The following EVC2 variants were observed in gnomAD, a reference collection of about 807,000 sequenced individuals.
The protein encoded by EVC2 is EvC ciliary complex subunit 2.
A neutral mutation model predicts 149.3 loss-of-function variants in EVC2; 148 were observed. The observed-to-expected ratio is 0.99, with a 90% CI of 0.87 to 1.14. EVC2 has a LOEUF of 1.14. EVC2 is among the 50% of genes most tolerant of loss of function. The pLI is 0.00. For synonymous variants in EVC2, 776 were observed against 649.9 expected (o/e 1.19, Z -2.95); for missense variants, 1,854 against 1,627.3 (o/e 1.14, Z -2.40).
At position 5,562,658 on chromosome 4, in the gene EVC2, T is replaced by C. The variant is rs1722025832; in HGVS notation, c.*190A>G. On this transcript the variant is annotated 3_prime_UTR_variant, in exon 22 of 22. Transcript: ENST00000344408. The surrounding 1 kb of genome is among the most constrained non-coding windows in gnomAD (Gnocchi z 4.3). ...TATGTCCTTGTGATATGGAAGAGAG[T>C]GGGCCATCTGGAAATTCATGAGACA... The C allele has an allele frequency of 6.9e-7, 1 of 1,456,502 alleles. No individual in the cohort carries two copies. Among genetic ancestry groups the C allele is most frequent in the Non-Finnish European group, 9.0e-7 (1 of 1,110,696 alleles). The allele number at this position is 1,456,502 out of a possible 1,614,324, so 90.2% of individuals were successfully genotyped here.
In EVC2 at chr4:5,625,924, G is replaced by A; in HGVS notation, c.1887-16C>T. Reference sequence around the variant, plus strand: ...GTACCCTGCTCTAGATGGAAAGGATGTAAAGTTAGGAATGTGGTCTCCAAA... The same window carrying A: ...GTACCCTGCTCTAGATGGAAAGGATATAAAGTTAGGAATGTGGTCTCCAAA... On this transcript the variant is annotated splice_polypyrimidine_tract_variant and intron_variant, in intron 12 of 21. Transcript: ENST00000344408. The surrounding 1 kb of genome is among the most constrained non-coding windows in gnomAD (Gnocchi z 4.0). 6.2e-7 allele frequency: 1 copy of A among 1,613,600 alleles called. No homozygotes were observed. Among genetic ancestry groups the A allele is most frequent in the Admixed American group, 1.7e-5 (1 of 59,998 alleles).
At chr4:5,672,204 G>A (rs748288834) in intron 7 of EVC2, among the ~76,000 whole-genome samples, 5 of 152,192 alleles carry the variant, frequency 3.3e-5, no homozygotes, top group Non-Finnish European at 5.9e-5. Context: ...AGGTGATCCA[G>A]TGGGCAGAGG....
chr4:5,657,228 T>C lies in EVC2; in HGVS notation c.1145+5879A>G, dbSNP rs1026788032. 2.0e-5 allele frequency among the ~76,000 whole-genome samples: 3 copies of C among 152,152 alleles called. No homozygotes were observed. Among genetic ancestry groups the C allele is most frequent in the African/African-American group, 7.2e-5 (3 of 41,432 alleles). On this transcript the variant is annotated intron_variant, in intron 9 of 21. Coordinates refer to ENST00000344408, the MANE Select transcript of EVC2 (RefSeq NM_147127.5). This position sits in a 1 kb window ranked among gnomAD's most constrained non-coding sequence, Gnocchi z 4.7. ...CCGTGGTCAGGACTGCTTCACACTT[T>C]TTACATTCCCACCTTTTCCTCCTCT...
At chr4:5,546,065 C>T (rs1010089452) in intron 21 of EVC2, among the ~76,000 whole-genome samples, 3 of 152,166 alleles carry the variant, frequency 2.0e-5, no homozygotes, top group South Asian at 2.1e-4. Context: ...CAGGAAACAA[C>T]AGGTGCTGGA....
In EVC2 at chr4:5,614,147, T is replaced by G. The variant is rs1715056298; in HGVS notation, c.2829+1275A>C. Among the ~76,000 whole-genome samples, 1 of 152,180 alleles carries G rather than the reference T, an allele frequency of 6.6e-6. No homozygotes were observed. Among genetic ancestry groups the G allele is most frequent in the Admixed American group, 6.5e-5 (1 of 15,284 alleles). On this transcript the variant is annotated intron_variant, in intron 16 of 21. Transcript: ENST00000344408. The surrounding 1 kb of genome is among the most constrained non-coding windows in gnomAD (Gnocchi z 4.7). ...GGCTGCGGTCACACAGCGTCTACTC[T>G]TAAGCAGCACCTTTGCAGAGGAGAC...
intron 7 of EVC2, among the ~76,000 whole-genome samples, chr4:5,674,063 G>A (rs913949295): frequency 6.8e-6 from 1 of 146,024 alleles, no homozygotes; most frequent in Admixed American, 7.4e-5. Flanking sequence ...AACAGTCTAA[G>A]AATCATTTAC....
intron 7 of EVC2, among the ~76,000 whole-genome samples, chr4:5,680,094 A>G (rs1432704873): frequency 5.9e-5 from 9 of 152,168 alleles, no homozygotes. Flanking sequence ...AGAGGCAATA[A>G]CAGGCATGGA....
In EVC2 at chr4:5,685,523, C is replaced by CT. The variant is rs769167417; in HGVS notation, c.707-45_707-44insA. 3.8e-6 allele frequency: 6 copies of CT among 1,562,506 alleles called. No homozygotes were observed. The East Asian group carries it at 1.3e-4, about 35-fold the overall frequency. On this transcript the variant is annotated intron_variant, in intron 5 of 21. Transcript: ENST00000344408. The stretch of plus-strand genomic sequence containing the variant: ...ATGTGACTCAGGGAGGGCTTGGCCA[C>CT]GCCCCCGGCTGCACCCCACCACACC...
rs763433901 is a variant in EVC2 at position 5,565,274 on chromosome 4, G to A, written c.3643C>T (p.Arg1215Cys). 1.8e-5 allele frequency: 29 copies of A among 1,613,710 alleles called. No individual in the cohort carries two copies. In the East Asian group the frequency reaches 2.0e-4, roughly 11 times the overall value. Residue 1215 changes from arginine to cysteine, a missense_variant, in exon 21 of 22, where the codon CGC becomes TGC. Coordinates refer to ENST00000344408, the MANE Select transcript of EVC2 (RefSeq NM_147127.5). Reference protein sequence around the residue: ...SRGLEKMLWARKRKQSILKKT... With the variant: ...SRGLEKMLWACKRKQSILKKT... ...CATCATTACCTCTGCTTTCTCTTGCGGGCCCACAGCATCTTTTCTAATCCT... is the reference window on the plus strand; with the variant it reads ...CATCATTACCTCTGCTTTCTCTTGCAGGCCCACAGCATCTTTTCTAATCCT...
At chr4:5,653,108 T>A (rs1048597809) in intron 9 of EVC2, among the ~76,000 whole-genome samples, 2 of 152,034 alleles carry the variant, frequency 1.3e-5, no homozygotes, top group South Asian at 4.2e-4. Flanking sequence ...TCACATGGGG[T>A]CCCTCCTGTG....
chr4:5,607,645 C>T (rs1714493830), intron 16 of EVC2, among the ~76,000 whole-genome samples: 1 of 152,138 alleles, frequency 6.6e-6, no homozygotes, highest in African/African-American at 2.4e-5. Context: ...CTCTCCTTTC[C>T]TCCAAGAATC....
chr4:5,574,896 T>G, intron 18 of EVC2, 124 bp from the exon 19 acceptor site: 1 of 997,294 alleles, frequency 1.0e-6, no homozygotes, highest in South Asian at 1.4e-5. Context: ...AATATGTCCA[T>G]AGAAAGAGAT....
At chr4:5,610,051 C>T (rs1714695003) in intron 16 of EVC2, among the ~76,000 whole-genome samples, 1 of 152,150 alleles carries the variant, frequency 6.6e-6, no homozygotes, top group South Asian at 2.1e-4. Flanking sequence ...GTCACTTCAC[C>T]TCCCTGTACC....
At chr4:5,595,765 C>A (rs867532912) in intron 16 of EVC2, among the ~76,000 whole-genome samples, 1 of 152,168 alleles carries the variant, frequency 6.6e-6, no homozygotes, top group African/African-American at 2.4e-5. Context: ...TTAAAAGACA[C>A]AGACTGGCAA....
At chr4:5,536,589 C>T in the EVC2 span, among the ~76,000 whole-genome samples, 7 of 152,192 alleles carry the variant, frequency 4.6e-5, 2 homozygotes, top group South Asian at 8.3e-4. Context: ...TCGAGACCAT[C>T]TTGGCTAACA....
At chr4:5,665,169 G>T (rs966488278) in intron 8 of EVC2, among the ~76,000 whole-genome samples, 1 of 152,052 alleles carries the variant, frequency 6.6e-6, no homozygotes, top group African/African-American at 2.4e-5. Flanking sequence ...ACTAAACCAG[G>T]CATGTTGGTG....
rs1329588130 is a variant in EVC2, at chr4:5,574,669, G to C, written c.3360+16C>G. The C allele has an allele frequency of 2.5e-6, 4 of 1,613,408 alleles. No individual in the cohort carries two copies. The Admixed American group carries it at 6.7e-5, about 27-fold the overall frequency. On this transcript the variant is annotated intron_variant, in intron 19 of 21. Coordinates refer to ENST00000344408, the MANE Select transcript of EVC2 (RefSeq NM_147127.5). ...CTGGCAAGGGGTGGCCTCAGACCCT[G>C]CCAGTACCTTCTCACCTGGCTGCAC...
At chr4:5,646,815 AG>A (rs1717755125) in intron 9 of EVC2, among the ~76,000 whole-genome samples, 1 of 152,216 alleles carries the variant, frequency 6.6e-6, no homozygotes, top group South Asian at 2.1e-4. Context: ...AACATCAAAT[AG>A]GTTACCAGGC....
chr4:5,638,245 C>G (rs1031233550), intron 10 of EVC2, among the ~76,000 whole-genome samples: 2 of 151,972 alleles, frequency 1.3e-5, no homozygotes, highest in Non-Finnish European at 2.9e-5. Flanking sequence ...CAAAATTAGC[C>G]GGGCGTGGTG....
Sources: allele counts gnomAD v4.1 joint callset (sites outside exome capture counted in the v4.1 genomes callset), GRCh38; gene constraint gnomAD v4.1.1; non-coding constraint Gnocchi (gnomAD v3.1); transcripts MANE v1.5; gene names NCBI Gene and HGNC (gene_info 2026-07-23, HGNC 2026-07-21).